The following DLG2 variants were observed in gnomAD, a reference collection of about 807,000 sequenced individuals.
DLG2 encodes the protein discs large MAGUK scaffold protein 2, also known as disks large homolog 2.
DLG2 carries 45 observed loss-of-function variants against 132.5 expected under a neutral mutation model. That is an observed-to-expected ratio of 0.34 (90% confidence interval 0.27 to 0.44). The LOEUF is 0.44. DLG2 is among the 20% of genes least tolerant of loss of function. The pLI is 1.00. For synonymous variants in DLG2, 424 were observed against 419.6 expected (o/e 1.01, Z -0.13); for missense variants, 1,045 against 1,196.9 (o/e 0.87, Z 1.87).
chr11:85,203,934 C>CAA (rs1182631365), intron 4 of DLG2, among the ~76,000 whole-genome samples: 2 of 152,042 alleles, frequency 1.3e-5, no homozygotes, highest in African/African-American at 4.8e-5. Context: ...AGGACAAAAA[C>CAA]AATACTATCA....
chr11:84,403,359 GAA>G (rs1037817688), intron 7 of DLG2, among the ~76,000 whole-genome samples: 6 of 152,146 alleles, frequency 3.9e-5, no homozygotes, highest in Admixed American at 2.0e-4. Context: ...ACAATGCTGT[GAA>G]GTCTTTAAAC....
chr11:83,475,119 C>A (rs112109448), intron 22 of DLG2, among the ~76,000 whole-genome samples: 1 of 152,118 alleles, frequency 6.6e-6, no homozygotes, highest in Admixed American at 6.5e-5. Flanking sequence ...GACCTTGTGG[C>A]AATCAGGTAC....
At chr11:85,125,483 T>C (rs2074978434) in intron 5 of DLG2, among the ~76,000 whole-genome samples, 1 of 152,206 alleles carries the variant, frequency 6.6e-6, no homozygotes, top group Non-Finnish European at 1.5e-5. Flanking sequence ...CTACAACTAA[T>C]TGTAATTTTA....
chr11:83,589,770 G>C (rs1270353095), intron 19 of DLG2, among the ~76,000 whole-genome samples: 2 of 150,040 alleles, frequency 1.3e-5, no homozygotes, highest in Non-Finnish European at 3.0e-5. Context: ...GACACACATA[G>C]GCTCAAAATA....
intron 21 of DLG2, among the ~76,000 whole-genome samples, chr11:83,499,844 T>A (rs2094354015): frequency 9.6e-6 from 1 of 103,934 alleles, no homozygotes; most frequent in African/African-American, 3.4e-5. Flanking sequence ...TTTCCTCCAC[T>A]AATAGGAGAT....
At chr11:84,899,227 T>G (rs749405281) in intron 6 of DLG2, among the ~76,000 whole-genome samples, 4 of 152,076 alleles carry the variant, frequency 2.6e-5, no homozygotes, top group Non-Finnish European at 4.4e-5. Context: ...CCCCCTCTAG[T>G]GTCATGCTTC....
intron 4 of DLG2, among the ~76,000 whole-genome samples, chr11:85,192,226 T>C (rs768105368): frequency 1.1e-4 from 17 of 152,172 alleles, no homozygotes; most frequent in Non-Finnish European, 2.4e-4. Context: ...GGTTTCCTCA[T>C]CTATAAAATG....
At chr11:83,760,036 C>T (rs7927526) in intron 18 of DLG2, among the ~76,000 whole-genome samples, 38,436 of 152,016 alleles carry the variant, frequency 0.25, 7,436 homozygotes, top group African/African-American at 0.55. Flanking sequence ...AACTTTCCCT[C>T]CATGGGTGGC....
At chr11:84,432,704 G>A (rs1307328775) in intron 7 of DLG2, among the ~76,000 whole-genome samples, 1 of 152,118 alleles carries the variant, frequency 6.6e-6, no homozygotes, top group East Asian at 1.9e-4. Flanking sequence ...AAGGGGGAGA[G>A]TAGAACTAGT....
rs139600052 is a variant in DLG2 at position 84,975,394 on chromosome 11, G to C, written c.357+136267C>G. Among the ~76,000 whole-genome samples the C allele has an allele frequency of 3.3e-5, 5 of 152,232 alleles. No individual in the cohort carries two copies. In the East Asian group the frequency reaches 9.6e-4, roughly 29 times the overall value. On this transcript the variant is annotated intron_variant, in intron 6 of 27. Transcript: ENST00000376104. ...GAAAGTTCCTTCAAAAAAGAATGGGGAAAACTTAGCCGATACATATCTTTT... is the reference window on the plus strand; with the variant it reads ...GAAAGTTCCTTCAAAAAAGAATGGGCAAAACTTAGCCGATACATATCTTTT...
At chr11:85,340,314 A>G (rs977328307) in intron 3 of DLG2, among the ~76,000 whole-genome samples, 10 of 152,226 alleles carry the variant, frequency 6.6e-5, no homozygotes, top group Non-Finnish European at 1.5e-5. Flanking sequence ...CAGCTATAAA[A>G]AAGGATGAGT....
intron 8 of DLG2, among the ~76,000 whole-genome samples, chr11:84,165,860 T>A (rs2095650183): frequency 6.6e-6 from 1 of 152,126 alleles, no homozygotes. Flanking sequence ...ATCGCACCAC[T>A]ACACTCCAGC....
chr11:84,293,590 C>T (rs904620099), intron 7 of DLG2, among the ~76,000 whole-genome samples: 1 of 152,130 alleles, frequency 6.6e-6, no homozygotes, highest in African/African-American at 2.4e-5. Flanking sequence ...AGGAGAATTG[C>T]TGGAACCTGG....
At chr11:85,026,875 C>T (rs749746676) in intron 6 of DLG2, among the ~76,000 whole-genome samples, 6 of 151,780 alleles carry the variant, frequency 4.0e-5, no homozygotes, top group African/African-American at 1.2e-4. Flanking sequence ...ATAAAATAAG[C>T]GTATTCTTTC....
intron 6 of DLG2, among the ~76,000 whole-genome samples, chr11:84,781,994 C>G (rs1482107523): frequency 6.6e-6 from 1 of 152,072 alleles, no homozygotes; most frequent in Non-Finnish European, 1.5e-5. Flanking sequence ...AGTCATCGAT[C>G]TCTAGCCATG....
chr11:84,893,491 G>C (rs923384219), intron 6 of DLG2, among the ~76,000 whole-genome samples: 1 of 152,134 alleles, frequency 6.6e-6, no homozygotes, highest in African/African-American at 2.4e-5. Flanking sequence ...AAGAAAACGA[G>C]GTGGTTCTTA....
chr11:84,815,360 T>A (rs1362438989), intron 6 of DLG2, among the ~76,000 whole-genome samples: 1 of 152,080 alleles, frequency 6.6e-6, no homozygotes, highest in African/African-American at 2.4e-5. Flanking sequence ...TAGTCAAAAT[T>A]TGATGACATC....
chr11:84,528,264 G>C (rs1261429582), intron 7 of DLG2, among the ~76,000 whole-genome samples: 1 of 152,098 alleles, frequency 6.6e-6, no homozygotes, highest in Non-Finnish European at 1.5e-5. Flanking sequence ...CCCACCTTGA[G>C]GAAAGGAAAA....
chr11:84,298,255 C>A, intron 7 of DLG2, among the ~76,000 whole-genome samples: 1 of 152,110 alleles, frequency 6.6e-6, no homozygotes, highest in Non-Finnish European at 1.5e-5. Flanking sequence ...CGTTTCCATT[C>A]ATGTGAAAAT....
Sources: allele counts gnomAD v4.1 joint callset (sites outside exome capture counted in the v4.1 genomes callset), GRCh38; gene constraint gnomAD v4.1.1; transcripts MANE v1.5; gene names NCBI Gene and HGNC (gene_info 2026-07-23, HGNC 2026-07-21).